Variants in WDR26 observed in about 807,000 individuals in gnomAD.
The protein encoded by WDR26 is WD repeat-containing protein 26.
Under a neutral mutation model 84.1 loss-of-function variants are expected in WDR26, and 5 were observed. The ratio of observed to expected loss-of-function variants is 0.06; its 90% CI spans 0.03 to 0.13. WDR26 has a LOEUF of 0.13. WDR26 is among the 10% of genes least tolerant of loss of function. The pLI is 1.00. For missense variants in WDR26, 642 were observed against 974.9 expected, an observed-to-expected ratio of 0.66 and a Z score of 4.55; for synonymous variants, 415 against 389.6, an observed-to-expected ratio of 1.07 and a Z score of -0.77.
At chr1:224,427,103 C>CTAAAAAAA (rs769063024) in intron 3 of WDR26, among the ~76,000 whole-genome samples, 3 of 91,168 alleles carry the variant, frequency 3.3e-5, no homozygotes, top group Admixed American at 1.3e-4. Context: ...AACTCTGTCT[C>CTAAAAAAA]CAAAAAAAAA....
rs111859259 is a variant in WDR26 at position 224,422,415 on chromosome 1, G to A, written c.1064+2103C>T. 4.9e-3 allele frequency among the ~76,000 whole-genome samples: 751 copies of A among 152,268 alleles called. 6 individuals are homozygous for A. The highest frequency in any genetic ancestry group is 0.017 in the African/African-American group (711 of 41,552). ...CTGGCTGCTGTGTGAAATATGCATT[G>A]TTAAGAAATTAAGAGTGAAGCCTGG... On this transcript the variant is annotated intron_variant, in intron 4 of 13. Coordinates refer to ENST00000414423, the MANE Select transcript of WDR26 (RefSeq NM_001379403.1).
chr1:224,415,864 T>G (rs1375123700), intron 6 of WDR26, among the ~76,000 whole-genome samples: 3 of 152,224 alleles, frequency 2.0e-5, no homozygotes, highest in Non-Finnish European at 4.4e-5. Context: ...AGGAAAAGTT[T>G]CAAAGTAAAG....
At chr1:224,391,036 A>G (rs1329216204) in intron 13 of WDR26, among the ~76,000 whole-genome samples, 1 of 151,912 alleles carries the variant, frequency 6.6e-6, no homozygotes, top group Non-Finnish European at 1.5e-5. Context: ...AGGTCCATTC[A>G]TACTGTAGCA....
intron 1 of WDR26, 89 bp from the exon 2 acceptor site, chr1:224,431,870 A>C: frequency 9.4e-7 from 1 of 1,061,328 alleles, no homozygotes; most frequent in Non-Finnish European, 1.3e-6. Flanking sequence ...AACAGATGCA[A>C]AGTTTTTAAG....
intron 1 of WDR26, among the ~76,000 whole-genome samples, chr1:224,433,053 T>C (rs374389903): frequency 8.5e-5 from 13 of 152,184 alleles, no homozygotes; most frequent in African/African-American, 2.9e-4. Flanking sequence ...AGGCCTCTTG[T>C]ACACACACAC....
chr1:224,407,214 C>G (rs546074905), intron 7 of WDR26, among the ~76,000 whole-genome samples: 2 of 110,564 alleles, frequency 1.8e-5, no homozygotes, highest in African/African-American at 6.9e-5. Context: ...AAATATAATC[C>G]TATAAAAGAT....
chr1:224,407,151 A>AAATATATATATAT, intron 7 of WDR26, among the ~76,000 whole-genome samples: 1 of 11,878 alleles, frequency 8.4e-5, no homozygotes, highest in Non-Finnish European at 1.4e-4. Flanking sequence ...AAAAAAAAAA[A>AAATATATATATAT]ATATATATAT....
intron 6 of WDR26, chr1:224,413,483 G>T: frequency 3.9e-6 from 1 of 258,916 alleles, no homozygotes; most frequent in Non-Finnish European, 7.7e-6. Context: ...ATACATGTGT[G>T]ATTTTAGATA....
Position 224,404,564 on chromosome 1 carries a change from G to A in WDR26, c.1465C>T (p.His489Tyr), listed in dbSNP as rs777154233. 5.0e-6 allele frequency: 8 copies of A among 1,611,510 alleles called. No individual in the cohort carries two copies. The South Asian group carries it at 8.8e-5, about 18-fold the overall frequency. Residue 489 changes from histidine to tyrosine, a missense_variant, in exon 8 of 14, where the codon CAC becomes TAC. Physicochemically the swap from His to Tyr is moderately conservative, Grantham distance 83. Coordinates refer to ENST00000414423, the MANE Select transcript of WDR26 (RefSeq NM_001379403.1). ...AATGTTTTAAGCAGTTTTAGCAGGT[G>A]TGTATCCTGGGAGGGAAAATAAACA... is the stretch of plus-strand genomic sequence containing the variant.
Position 224,434,121 on chromosome 1 carries a change from C to G in WDR26, c.285G>C (p.Leu95=). The change falls in exon 1 of 14, where the codon CTG becomes CTC. Residue 95 remains leucine (L), a synonymous_variant. Transcript: ENST00000414423. ...TGGCCTGCATGATGCTGCCGCTGAC[C>G]AGGCTGTGGCCGCTACTTCGGTGGG... is the stretch of plus-strand genomic sequence containing the variant. 7.0e-7 allele frequency: 1 copy of G among 1,426,270 alleles called. No homozygotes were observed. Among genetic ancestry groups the G allele is most frequent in the Non-Finnish European group, 9.1e-7 (1 of 1,093,840 alleles). 88.4% of individuals were successfully genotyped at this position (1,426,270 alleles called of 1,614,324 possible).
In WDR26 at chr1:224,434,094, A is replaced by G. The variant is rs1347831378; in HGVS notation, c.312T>C (p.Asn104=). ...CACCTCCTCCTCCTCCTCCTGCCCC[A>G]TTGGCCTGCATGATGCTGCCGCTGA... The change falls in exon 1 of 14, where the codon AAT becomes AAC. Residue 104 remains asparagine, a synonymous_variant. Coordinates refer to ENST00000414423, the MANE Select transcript of WDR26 (RefSeq NM_001379403.1). 4.2e-6 allele frequency: 6 copies of G among 1,435,898 alleles called. No homozygotes were observed. Among genetic ancestry groups the G allele is most frequent in the Non-Finnish European group, 4.5e-6 (5 of 1,099,962 alleles). 88.9% of individuals were successfully genotyped at this position (1,435,898 alleles called of 1,614,324 possible).
intron 3 of WDR26, among the ~76,000 whole-genome samples, chr1:224,426,893 G>A (rs1018149557): frequency 6.6e-6 from 1 of 150,870 alleles, no homozygotes; most frequent in Non-Finnish European, 1.5e-5. Flanking sequence ...TCAGCAGTTC[G>A]AGACCAGCCT....
chr1:224,400,512 A>C lies in WDR26; in HGVS notation c.1719+438T>G, dbSNP rs139335681. On this transcript the variant is annotated intron_variant, in intron 9 of 13. Coordinates refer to ENST00000414423, the MANE Select transcript of WDR26 (RefSeq NM_001379403.1). ...TTGGACAGCGCTTGTCTACGACGAC[A>C]GCAAAGTAGGTGTTCATAGAGTATA... Among the ~76,000 whole-genome samples, 17 of 152,314 alleles carry C rather than the reference A, an allele frequency of 1.1e-4. No homozygotes were observed. The East Asian group carries it at 2.3e-3, about 21-fold the overall frequency.
intron 12 of WDR26, among the ~76,000 whole-genome samples, chr1:224,396,342 A>ATAAT (rs1673260293): frequency 6.6e-6 from 1 of 152,232 alleles, no homozygotes; most frequent in South Asian, 2.1e-4. Context: ...ATTCTCAGGC[A>ATAAT]TAATTAAGAG....
intron 3 of WDR26, among the ~76,000 whole-genome samples, chr1:224,428,179 T>C (rs758305266): frequency 1.3e-4 from 20 of 152,208 alleles, no homozygotes; most frequent in Non-Finnish European, 2.4e-4. Flanking sequence ...GTTGCTCCCC[T>C]AGTCCACCCA....
intron 8 of WDR26, chr1:224,402,133 G>A (rs1673437248): frequency 6.6e-6 from 1 of 152,178 alleles, no homozygotes. Context: ...GTAATCAAAA[G>A]TAGAAATAAA....
intron 1 of WDR26, among the ~76,000 whole-genome samples, chr1:224,432,585 T>C (rs1423438858): frequency 6.6e-6 from 1 of 152,240 alleles, no homozygotes; most frequent in East Asian, 1.9e-4. Context: ...CTTATTCAGC[T>C]TTAAAACTTA....
chr1:224,433,338 AAC>A (rs929858012), intron 1 of WDR26, among the ~76,000 whole-genome samples: 17 of 152,174 alleles, frequency 1.1e-4, no homozygotes, highest in African/African-American at 4.1e-4. Flanking sequence ...CACATACAGA[AAC>A]ACACTCCCGC....
At chr1:224,401,535 A>G (rs1319931238) in intron 8 of WDR26, among the ~76,000 whole-genome samples, 1 of 151,858 alleles carries the variant, frequency 6.6e-6, no homozygotes, top group African/African-American at 2.4e-5. Context: ...GTACCCATAC[A>G]TGGTGGTGCA....
Sources: allele counts gnomAD v4.1 joint callset (sites outside exome capture counted in the v4.1 genomes callset), GRCh38; gene constraint gnomAD v4.1.1; transcripts MANE v1.5; gene names NCBI Gene and HGNC (gene_info 2026-07-23, HGNC 2026-07-21).